The following FAM227A variants were observed in gnomAD, a reference collection of about 807,000 sequenced individuals.
FAM227A encodes the protein protein FAM227A.
In FAM227A, 80 loss-of-function variants were observed where a neutral mutation model predicts 74.7. That is an observed-to-expected ratio of 1.07 (90% CI 0.89 to 1.29). FAM227A has a LOEUF of 1.29. Ranked by LOEUF, FAM227A falls within the 50% of genes most tolerant of loss-of-function variation. The probability of loss-of-function intolerance (pLI) is 0.00; values close to 1 mark genes in which losing one functional copy is unlikely to be tolerated. For missense variants in FAM227A, 654 were observed against 683.4 expected (o/e 0.96, Z 0.48); for synonymous variants, 237 against 241.8 (o/e 0.98, Z 0.19).
intron 11 of FAM227A, among the ~76,000 whole-genome samples, chr22:38,616,450 A>C (rs2091577784): frequency 6.6e-6 from 1 of 151,932 alleles, no homozygotes; most frequent in African/African-American, 2.4e-5. Flanking sequence ...ATTGCCTGAG[A>C]TCAGGAGTTC....
At chr22:38,653,072 C>A (rs1418605630) in intron 1 of FAM227A, among the ~76,000 whole-genome samples, 1 of 152,036 alleles carries the variant, frequency 6.6e-6, no homozygotes, top group African/African-American at 2.4e-5. Context: ...TACAGCCACT[C>A]CCCATTCCTC....
At position 38,583,168 on chromosome 22, in the gene FAM227A, A is replaced by C; in HGVS notation, c.*2957T>G. The C allele has an allele frequency of 2.4e-6, 1 of 418,888 alleles. No homozygotes were observed. The highest frequency in any genetic ancestry group is 3.4e-5 in the South Asian group (1 of 29,724). The allele number at this position is 418,888 out of a possible 1,614,324, so 25.9% of individuals were successfully genotyped here. Reference sequence around the variant, plus strand: ...TCACACGTTCTGGTTTCAGAAGACTATACTTTTTTTTTTTTTTTTTTGAGA... The same window carrying C: ...TCACACGTTCTGGTTTCAGAAGACTCTACTTTTTTTTTTTTTTTTTTGAGA... On this transcript the variant is annotated 3_prime_UTR_variant, in exon 17 of 17. Transcript: ENST00000535113.
At chr22:38,598,185 A>G (rs2091091689) in intron 14 of FAM227A, among the ~76,000 whole-genome samples, 1 of 152,138 alleles carries the variant, frequency 6.6e-6, no homozygotes, top group African/African-American at 2.4e-5. Flanking sequence ...CTCCATTTCC[A>G]TATCTGTAAA....
intron 6 of FAM227A, 114 bp from the exon 7 acceptor site, chr22:38,629,049 T>G (rs1005847561): frequency 7.8e-6 from 5 of 637,482 alleles, no homozygotes; most frequent in Non-Finnish European, 1.4e-5. Flanking sequence ...AGTGAGGCCC[T>G]ACCCAGGTAA....
intron 8 of FAM227A, among the ~76,000 whole-genome samples, chr22:38,626,891 A>AAAAAAAAT (rs1555966996): frequency 2.9e-4 from 17 of 57,682 alleles, no homozygotes; most frequent in African/African-American, 1.0e-3. Flanking sequence ...AAAAAAAAAA[A>AAAAAAAAT]ATATATATAT....
rs1398036772 is a variant in FAM227A at position 38,581,497 on chromosome 22, T to C, written c.*4628A>G. 2.0e-5 allele frequency: 3 copies of C among 152,286 alleles called. No homozygotes were observed. The highest frequency in any genetic ancestry group is 7.2e-5 in the African/African-American group (3 of 41,450). The allele number at this position is 152,286 out of a possible 1,614,324, so 9.4% of individuals were successfully genotyped here. On this transcript the variant is annotated 3_prime_UTR_variant, in exon 17 of 17. Transcript: ENST00000535113. ...CTGTGTTGTCCAGGCTGGAGTGCAG[T>C]GGCATGATCTTGGCTCACTGTAACC...
chr22:38,636,891 C>T (rs1015782491), intron 5 of FAM227A, among the ~76,000 whole-genome samples: 17 of 151,706 alleles, frequency 1.1e-4, no homozygotes, highest in Non-Finnish European at 2.1e-4. Flanking sequence ...CTGCCTCAGC[C>T]TCCTGAGTAG....
chr22:38,646,838 T>C (rs903227700), intron 2 of FAM227A, among the ~76,000 whole-genome samples: 1 of 152,106 alleles, frequency 6.6e-6, no homozygotes, highest in Admixed American at 6.6e-5. Context: ...TTTTAAGTTA[T>C]TTATACTTTT....
chr22:38,590,221 A>G (rs902173794), intron 16 of FAM227A, among the ~76,000 whole-genome samples: 4 of 149,100 alleles, frequency 2.7e-5, no homozygotes, highest in Non-Finnish European at 4.4e-5. Context: ...AGGAAGTTGC[A>G]GTGAGCCAAG....
chr22:38,654,077 G>C (rs777820844), intron 1 of FAM227A, among the ~76,000 whole-genome samples: 2 of 152,244 alleles, frequency 1.3e-5, no homozygotes, highest in Admixed American at 1.3e-4. Context: ...GGCCGGGCGC[G>C]GTGGCTCACA....
chr22:38,628,861 A>G lies in FAM227A; in HGVS notation c.594T>C (p.Phe198=), dbSNP rs1235500732. The G allele has an allele frequency of 6.5e-7, 1 of 1,545,234 alleles. No individual in the cohort carries two copies. Among genetic ancestry groups the G allele is most frequent in the Non-Finnish European group, 8.8e-7 (1 of 1,142,270 alleles). ...GGTACCTCTCATGAAATATCCACCA[A>G]AAGCTATCCAGCCAGATGGCTCTTG... ...SSPRAIWLDS[F]WWIFHERYQP... The change falls in exon 7 of 17, where the codon TTT becomes TTC. Residue 198 remains phenylalanine, a synonymous_variant. Transcript: ENST00000535113.
intron 10 of FAM227A, among the ~76,000 whole-genome samples, chr22:38,622,067 A>G (rs1483220185): frequency 1.3e-5 from 2 of 152,176 alleles, no homozygotes; most frequent in East Asian, 3.9e-4. Flanking sequence ...AGGCATCAAG[A>G]CAGTTTATCC....
At chr22:38,621,925 C>G (rs554221458) in intron 10 of FAM227A, among the ~76,000 whole-genome samples, 2 of 152,152 alleles carry the variant, frequency 1.3e-5, no homozygotes, top group South Asian at 4.1e-4. Flanking sequence ...GAATCCCCCC[C>G]ACTGCAGTGC....
At chr22:38,597,387 C>T (rs1382895755) in intron 14 of FAM227A, 31 bp from the exon 15 acceptor site, 2 of 1,549,414 alleles carry the variant, frequency 1.3e-6, no homozygotes, top group Admixed American at 2.0e-5. Context: ...AATCCCCGTA[C>T]TGTGGAACTG....
intron 1 of FAM227A, 113 bp from the exon 2 acceptor site, chr22:38,650,375 G>T (rs780955063): frequency 1.8e-6 from 1 of 557,622 alleles, no homozygotes; most frequent in African/African-American, 1.9e-5. Context: ...TGCCTGCATG[G>T]GGAATGAAAG....
intron 6 of FAM227A, among the ~76,000 whole-genome samples, chr22:38,635,228 C>CAAA (rs34498896): frequency 5.9e-5 from 4 of 67,420 alleles, no homozygotes; most frequent in East Asian, 3.9e-4. Flanking sequence ...GACTCTGTCT[C>CAAA]AAAAAAAAAA....
chr22:38,602,777 C>T (rs16999142), intron 13 of FAM227A, among the ~76,000 whole-genome samples: 6,793 of 152,270 alleles, frequency 0.045, 251 homozygotes, highest in East Asian at 0.11. Flanking sequence ...GGCAACCCAG[C>T]GTCCTTCCCC....
At position 38,638,014 on chromosome 22, in the gene FAM227A, A is replaced by G. The variant is rs539072389; in HGVS notation, c.372+732T>C. Among the ~76,000 whole-genome samples, 10 of 152,170 alleles carry G rather than the reference A, an allele frequency of 6.6e-5. No individual in the cohort carries two copies. In the East Asian group the frequency reaches 1.7e-3, roughly 26 times the overall value. On this transcript the variant is annotated intron_variant, in intron 5 of 16. Transcript: ENST00000535113. Reference sequence around the variant, plus strand: ...AAACCCCATCTCTACCAAAAATGCAAATTTAGCCAGGTGTGGTGGTGCATG... The same window carrying G: ...AAACCCCATCTCTACCAAAAATGCAGATTTAGCCAGGTGTGGTGGTGCATG...
chr22:38,586,267 C>T, intron 16 of FAM227A, 68 bp from the exon 17 acceptor site: 1 of 1,512,184 alleles, frequency 6.6e-7, no homozygotes, highest in Non-Finnish European at 8.9e-7. Context: ...AAAGACTTTG[C>T]ACGTGAGCAG....
Sources: allele counts gnomAD v4.1 joint callset (sites outside exome capture counted in the v4.1 genomes callset), GRCh38; gene constraint gnomAD v4.1.1; transcripts MANE v1.5; gene names NCBI Gene and HGNC (gene_info 2026-07-23, HGNC 2026-07-21).